The following MSI2 variants were observed in gnomAD, a reference collection of about 807,000 sequenced individuals.
The protein encoded by MSI2 is RNA-binding protein Musashi homolog 2.
A neutral mutation model predicts 45.6 loss-of-function variants in MSI2; 17 were observed. That is an observed-to-expected ratio of 0.37 (90% CI 0.26 to 0.56). The LOEUF (loss-of-function observed/expected upper bound fraction) is 0.56. Among genes scored for constraint, MSI2 ranks in the 20% least tolerant of loss-of-function variants. MSI2 has a pLI of 0.77. For synonymous variants in MSI2, 156 were observed against 158.2 expected (o/e 0.99, Z 0.11); for missense variants, 293 against 444.2 (o/e 0.66, Z 3.06).
intron 6 of MSI2, among the ~76,000 whole-genome samples, chr17:57,519,621 G>A (rs199712486): frequency 6.6e-6 from 1 of 152,014 alleles, no homozygotes; most frequent in African/African-American, 2.4e-5. Flanking sequence ...CTCCTCTCCC[G>A]AGCCTACCGG....
chr17:57,508,723 G>A (rs567819738), intron 6 of MSI2, among the ~76,000 whole-genome samples: 1 of 152,324 alleles, frequency 6.6e-6, no homozygotes, highest in African/African-American at 2.4e-5. Context: ...TCACAGATAC[G>A]CGCGTGAGCC....
intron 11 of MSI2, among the ~76,000 whole-genome samples, chr17:57,655,141 C>T (rs1286224666): frequency 6.6e-6 from 1 of 152,028 alleles, no homozygotes; most frequent in Non-Finnish European, 1.5e-5. Flanking sequence ...GTTCCTAATT[C>T]CCCTAGGACC....
chr17:57,338,899 G>T (rs1443504000), intron 5 of MSI2, among the ~76,000 whole-genome samples: 13 of 152,142 alleles, frequency 8.5e-5, no homozygotes, highest in Admixed American at 8.5e-4. Flanking sequence ...TTTGCAAGGA[G>T]AGTCCTTTAT....
At chr17:57,435,065 A>G (rs1286067181) in intron 6 of MSI2, among the ~76,000 whole-genome samples, 6 of 152,212 alleles carry the variant, frequency 3.9e-5, no homozygotes, top group Non-Finnish European at 5.9e-5. Context: ...CCACTAATGT[A>G]AGAGAGACTG....
intron 5 of MSI2, among the ~76,000 whole-genome samples, chr17:57,361,187 A>G (rs1598169003): frequency 6.6e-6 from 1 of 152,318 alleles, no homozygotes; most frequent in East Asian, 1.9e-4. Flanking sequence ...CCAAAATGTA[A>G]CTACTTAACC....
At chr17:57,438,480 A>G (rs1037355393) in intron 6 of MSI2, among the ~76,000 whole-genome samples, 3 of 152,066 alleles carry the variant, frequency 2.0e-5, no homozygotes, top group African/African-American at 7.2e-5. Context: ...TGTTCATGAG[A>G]TGGAGCAGAA....
intron 5 of MSI2, among the ~76,000 whole-genome samples, chr17:57,289,403 C>T (rs960562836): frequency 9.9e-5 from 15 of 152,114 alleles, no homozygotes; most frequent in African/African-American, 3.4e-4. Flanking sequence ...GCTCTCTCAT[C>T]CCTGGCACAC....
At chr17:57,508,734 CG>C (rs2086289554) in intron 6 of MSI2, among the ~76,000 whole-genome samples, 1 of 152,128 alleles carries the variant, frequency 6.6e-6, no homozygotes, top group Non-Finnish European at 1.5e-5. Context: ...CGCGTGAGCC[CG>C]GCAGGCCTGG....
intron 8 of MSI2, among the ~76,000 whole-genome samples, chr17:57,612,717 CAGTT>C (rs1907290033): frequency 6.6e-6 from 1 of 152,204 alleles, no homozygotes; most frequent in Admixed American, 6.5e-5. Context: ...CCATTACAGT[CAGTT>C]AACCTTTATG....
chr17:57,523,355 C>T (rs1455305179), intron 6 of MSI2, among the ~76,000 whole-genome samples: 1 of 152,132 alleles, frequency 6.6e-6, no homozygotes, highest in African/African-American at 2.4e-5. Context: ...GCCTGCATTG[C>T]GTCTTTAAAG....
At chr17:57,625,174 A>G (rs1183129446) in intron 9 of MSI2, among the ~76,000 whole-genome samples, 2 of 152,194 alleles carry the variant, frequency 1.3e-5, no homozygotes, top group Non-Finnish European at 2.9e-5. Flanking sequence ...TAAGATTTCA[A>G]CATAGAAATT....
intron 6 of MSI2, among the ~76,000 whole-genome samples, chr17:57,433,788 C>G (rs1349583629): frequency 2.0e-5 from 3 of 152,226 alleles, no homozygotes; most frequent in Non-Finnish European, 4.4e-5. Context: ...CTTCCTTAAG[C>G]GCCGCTCATG....
At chr17:57,651,122 G>A (rs555644148) in intron 10 of MSI2, among the ~76,000 whole-genome samples, 61 of 152,268 alleles carry the variant, frequency 4.0e-4, no homozygotes, top group African/African-American at 1.3e-3. Context: ...GTGCGTGCAC[G>A]TGCTGGTGGC....
At chr17:57,380,638 C>T (rs755972112) in intron 5 of MSI2, among the ~76,000 whole-genome samples, 2 of 152,150 alleles carry the variant, frequency 1.3e-5, no homozygotes, top group African/African-American at 4.8e-5. Flanking sequence ...CCCCCTACCC[C>T]CAAACAACCA....
chr17:57,658,054 G>A lies in MSI2; in HGVS notation c.790+5893G>A, dbSNP rs552666057. Among the ~76,000 whole-genome samples, 3 of 152,278 alleles carry A rather than the reference G, an allele frequency of 2.0e-5. No individual in the cohort carries two copies. In the East Asian group the frequency reaches 5.8e-4, roughly 29 times the overall value. The stretch of plus-strand genomic sequence containing the variant: ...ATGTGTGCCTTCATTTCTGAAGATG[G>A]CTTTCCTGTGCTTCATGAGCAAGAT... On this transcript the variant is annotated intron_variant, in intron 11 of 13. Transcript: ENST00000284073.
In MSI2 at chr17:57,403,308, G is replaced by C. The variant is rs558331598; in HGVS notation, c.405+1837G>C. Among the ~76,000 whole-genome samples, 587 of 152,140 alleles carry C rather than the reference G, an allele frequency of 3.9e-3. 3 individuals carry two copies. Among genetic ancestry groups the C allele is most frequent in the African/African-American group, 0.014 (562 of 41,494 alleles). ...TCTCTTTCTTCCTTTCTGTATTTCT[G>C]TTTCTCTCTCTGTTGTTTTTCATTA... On this transcript the variant is annotated intron_variant, in intron 6 of 13. Coordinates refer to ENST00000284073, the MANE Select transcript of MSI2 (RefSeq NM_138962.4).
rs186558324 is a variant in MSI2 at position 57,391,806 on chromosome 17, A to G, written c.313-9573A>G. The stretch of plus-strand genomic sequence containing the variant: ...GGGGCTTTAGAGGGGCCTCTTTTGT[A>G]TGCAGAAATGCACGACTTCCTCGCA... On this transcript the variant is annotated intron_variant, in intron 5 of 13. Transcript: ENST00000284073. Among the ~76,000 whole-genome samples, 883 of 152,330 alleles carry G rather than the reference A, an allele frequency of 5.8e-3. 5 individuals are homozygous for G. Among genetic ancestry groups the G allele is most frequent in the South Asian group, 7.9e-3 (38 of 4,824 alleles).
intron 6 of MSI2, among the ~76,000 whole-genome samples, chr17:57,516,310 C>G (rs2086468631): frequency 6.6e-6 from 1 of 152,158 alleles, no homozygotes; most frequent in Admixed American, 6.5e-5. Context: ...GTAATACAGC[C>G]TTGATACTGA....
At chr17:57,345,943 C>A (rs938729363) in intron 5 of MSI2, among the ~76,000 whole-genome samples, 2 of 152,046 alleles carry the variant, frequency 1.3e-5, no homozygotes, top group South Asian at 2.1e-4. Context: ...GTAGGCTCCT[C>A]TTGCTTGTAA....
Sources: gnomAD v4.1 joint callset for allele counts (sites outside exome capture counted in the v4.1 genomes callset) on GRCh38, gnomAD v4.1.1 for gene constraint, MANE v1.5 for transcripts, NCBI Gene and HGNC (gene_info 2026-07-23, HGNC 2026-07-21) for gene names.